Variants in GRM8 observed in about 807,000 individuals in gnomAD.
GRM8 encodes glutamate metabotropic receptor 8.
A neutral mutation model predicts 87.2 loss-of-function variants in GRM8; 47 were observed. The observed-to-expected ratio is 0.54, with a 90% confidence interval of 0.43 to 0.69. The LOEUF (loss-of-function observed/expected upper bound fraction) is 0.69. Ranked by LOEUF, GRM8 falls within the 30% of genes least tolerant of loss-of-function variation. The pLI is 0.00. For missense variants in GRM8, 1,019 were observed against 1,139.2 expected, an observed-to-expected ratio of 0.89 and a Z score of 1.52; for synonymous variants, 396 against 404.5, an observed-to-expected ratio of 0.98 and a Z score of 0.25.
chr7:126,885,190 T>C (rs1401590910), intron 6 of GRM8, among the ~76,000 whole-genome samples: 2 of 152,180 alleles, frequency 1.3e-5, no homozygotes, highest in African/African-American at 4.8e-5. Context: ...CAGCTCAGTC[T>C]TGGTCCTTAT....
intron 7 of GRM8, among the ~76,000 whole-genome samples, chr7:126,674,680 G>GA (rs796356374): frequency 7.3e-5 from 11 of 150,794 alleles, no homozygotes; most frequent in Admixed American, 3.3e-4. Flanking sequence ...GTAGCCCCCA[G>GA]AAAAAAAAAG....
At chr7:126,988,710 T>C (rs192504356) in intron 3 of GRM8, among the ~76,000 whole-genome samples, 23 of 152,368 alleles carry the variant, frequency 1.5e-4, no homozygotes, top group African/African-American at 5.0e-4. Flanking sequence ...TTTTAGTTGA[T>C]GTAAGTAATT....
intron 3 of GRM8, among the ~76,000 whole-genome samples, chr7:126,945,253 C>T (rs1189413312): frequency 6.6e-6 from 1 of 152,018 alleles, no homozygotes; most frequent in Non-Finnish European, 1.5e-5. Context: ...TGGTATATTC[C>T]AATTTATAGC....
chr7:126,639,778 G>C (rs1335255099), intron 7 of GRM8, among the ~76,000 whole-genome samples: 3 of 152,198 alleles, frequency 2.0e-5, no homozygotes, highest in Non-Finnish European at 4.4e-5. Context: ...ATTTTCATTA[G>C]CCAGTTCTGG....
At chr7:126,599,102 CAG>C (rs1797484300) in intron 8 of GRM8, among the ~76,000 whole-genome samples, 1 of 152,136 alleles carries the variant, frequency 6.6e-6, no homozygotes, top group African/African-American at 2.4e-5. Flanking sequence ...AGAAGTCACT[CAG>C]TAACTCTAAG....
At chr7:126,879,207 A>G (rs1308902512) in intron 6 of GRM8, among the ~76,000 whole-genome samples, 1 of 151,984 alleles carries the variant, frequency 6.6e-6, no homozygotes, top group Non-Finnish European at 1.5e-5. Flanking sequence ...AGAAAAAAAA[A>G]AAACATGATG....
At chr7:126,509,227 G>A (rs865820720) in intron 9 of GRM8, among the ~76,000 whole-genome samples, 40 of 152,030 alleles carry the variant, frequency 2.6e-4, no homozygotes, top group Middle Eastern at 3.4e-3. Flanking sequence ...TTAAAATATC[G>A]AAATAGGTAG....
chr7:126,910,276 C>A (rs1007919567), intron 3 of GRM8, among the ~76,000 whole-genome samples: 3 of 151,956 alleles, frequency 2.0e-5, no homozygotes, highest in African/African-American at 7.2e-5. Flanking sequence ...TTTAATTTTA[C>A]TTTTTTTTGT....
At chr7:127,201,036 T>C (rs6957435) in intron 2 of GRM8, among the ~76,000 whole-genome samples, 61,535 of 152,050 alleles carry the variant, frequency 0.4, 13,381 homozygotes, top group Middle Eastern at 0.53. Flanking sequence ...CTGTCATTTT[T>C]CTTGCTTATG....
chr7:126,989,950 C>CA (rs11440450), intron 3 of GRM8, among the ~76,000 whole-genome samples: 9,305 of 146,980 alleles, frequency 0.063, 835 homozygotes, highest in African/African-American at 0.2. Flanking sequence ...GACCCTGACT[C>CA]AAAAAAAAAA....
intron 2 of GRM8, among the ~76,000 whole-genome samples, chr7:127,197,022 T>C (rs1442101521): frequency 6.6e-6 from 1 of 152,176 alleles, no homozygotes; most frequent in African/African-American, 2.4e-5. Flanking sequence ...AGGGAGGCCA[T>C]CTTGAAGAGT....
rs569186397 is a variant in GRM8, at chr7:126,610,846, G to C, written c.1358-1348C>G. On this transcript the variant is annotated intron_variant, in intron 7 of 10. Transcript: ENST00000339582. ...AAACATGGTGTAAGTTCTCTGATGAGACTACAGACATCTGGTATCATCAGG... is the reference window on the plus strand; with the variant it reads ...AAACATGGTGTAAGTTCTCTGATGACACTACAGACATCTGGTATCATCAGG... 3.3e-5 allele frequency among the ~76,000 whole-genome samples: 5 copies of C among 152,276 alleles called. No individual in the cohort carries two copies. In the East Asian group the frequency reaches 5.8e-4, roughly 18 times the overall value.
At chr7:127,104,267 G>GT (rs760407130) in intron 3 of GRM8, among the ~76,000 whole-genome samples, 128 of 151,500 alleles carry the variant, frequency 8.4e-4, no homozygotes, top group Non-Finnish European at 1.4e-3. Context: ...AGCTACTGAG[G>GT]TTTTTTTTTA....
chr7:126,841,165 T>A (rs1796240713), intron 6 of GRM8, among the ~76,000 whole-genome samples: 1 of 152,244 alleles, frequency 6.6e-6, no homozygotes, highest in South Asian at 2.1e-4. Flanking sequence ...TTGTGGCTTA[T>A]AATAACAACA....
At chr7:126,980,294 G>A (rs919438808) in intron 3 of GRM8, among the ~76,000 whole-genome samples, 6 of 151,930 alleles carry the variant, frequency 3.9e-5, no homozygotes, top group Admixed American at 6.6e-5. Flanking sequence ...AAAAATTAAC[G>A]ATAAACAAGT....
intron 3 of GRM8, among the ~76,000 whole-genome samples, chr7:127,064,986 A>C (rs1820968987): frequency 6.6e-6 from 1 of 152,240 alleles, no homozygotes; most frequent in Non-Finnish European, 1.5e-5. Context: ...AAGCAGAACT[A>C]CCATTCTAAC....
chr7:126,598,431 T>A (rs1342651501), intron 8 of GRM8, among the ~76,000 whole-genome samples: 1 of 152,116 alleles, frequency 6.6e-6, no homozygotes, highest in Non-Finnish European at 1.5e-5. Context: ...TTACTTCACC[T>A]ACTCTACTGA....
chr7:126,572,153 T>C (rs1400933418), intron 8 of GRM8, among the ~76,000 whole-genome samples: 1 of 152,100 alleles, frequency 6.6e-6, no homozygotes, highest in Non-Finnish European at 1.5e-5. Flanking sequence ...AAATGAACTT[T>C]TAAAAGTTAT....
At chr7:126,780,424 C>G (rs1038593977) in intron 6 of GRM8, among the ~76,000 whole-genome samples, 1 of 152,126 alleles carries the variant, frequency 6.6e-6, no homozygotes, top group Non-Finnish European at 1.5e-5. Flanking sequence ...ATAGGCACTA[C>G]ATAAGATGAT....
Sources: gnomAD v4.1 joint callset for allele counts (sites outside exome capture counted in the v4.1 genomes callset) on GRCh38, gnomAD v4.1.1 for gene constraint, MANE v1.5 for transcripts, NCBI Gene and HGNC (gene_info 2026-07-23, HGNC 2026-07-21) for gene names.